The following CDH13 variants were observed in gnomAD, a reference collection of about 807,000 sequenced individuals.
CDH13 encodes cadherin-13.
Under a neutral mutation model 63.8 loss-of-function variants are expected in CDH13, and 24 were observed. That is an observed-to-expected ratio of 0.38 (90% CI 0.27 to 0.53). The LOEUF (loss-of-function observed/expected upper bound fraction) is 0.53, where lower values mean the gene tolerates loss of function less well. Ranked by LOEUF, CDH13 falls within the 20% of genes least tolerant of loss-of-function variation. The pLI is 0.85. For missense variants in CDH13, 1,049 were observed against 903.1 expected (o/e 1.16, Z -2.07); for synonymous variants, 503 against 355.3 (o/e 1.42, Z -4.67).
chr16:83,082,488 C>G (rs192283215), intron 3 of CDH13, among the ~76,000 whole-genome samples: 1 of 151,952 alleles, frequency 6.6e-6, no homozygotes, highest in Non-Finnish European at 1.5e-5. Flanking sequence ...AAAAAAATAG[C>G]CAGGTGTGGT....
intron 1 of CDH13, among the ~76,000 whole-genome samples, chr16:82,763,766 T>G (rs2034944058): frequency 6.6e-6 from 1 of 152,188 alleles, no homozygotes; most frequent in African/African-American, 2.4e-5. Flanking sequence ...CACTGCAGCC[T>G]CCTCTGCCCA....
intron 5 of CDH13, among the ~76,000 whole-genome samples, chr16:83,270,199 G>A (rs1370854502): frequency 6.6e-6 from 1 of 152,172 alleles, no homozygotes; most frequent in African/African-American, 2.4e-5. Flanking sequence ...AAAGGGGGCA[G>A]CTTGTAATTA....
At chr16:83,235,419 C>A (rs1024917166) in intron 5 of CDH13, among the ~76,000 whole-genome samples, 5 of 152,186 alleles carry the variant, frequency 3.3e-5, no homozygotes, top group African/African-American at 1.2e-4. Context: ...CTTCATCTAA[C>A]CGAATCATGT....
At chr16:83,503,742 G>GT (rs1169000423) in intron 7 of CDH13, among the ~76,000 whole-genome samples, 6 of 151,830 alleles carry the variant, frequency 4.0e-5, no homozygotes, top group Non-Finnish European at 5.9e-5. Context: ...GGGGTTGTTT[G>GT]TTTTTTTTCT....
At chr16:83,055,919 C>G (rs888927440) in intron 3 of CDH13, among the ~76,000 whole-genome samples, 1 of 152,146 alleles carries the variant, frequency 6.6e-6, no homozygotes, top group Non-Finnish European at 1.5e-5. Context: ...AAAAGGCAGG[C>G]TATACAGTGG....
intron 4 of CDH13, among the ~76,000 whole-genome samples, chr16:83,171,981 T>C (rs2037939311): frequency 6.6e-6 from 1 of 152,128 alleles, no homozygotes; most frequent in African/African-American, 2.4e-5. Context: ...TTCTCAGGGG[T>C]AGCTGCTATG....
intron 2 of CDH13, among the ~76,000 whole-genome samples, chr16:82,971,320 A>C (rs1485197212): frequency 2.0e-5 from 3 of 152,016 alleles, no homozygotes; most frequent in Admixed American, 1.3e-4. Context: ...TGTCACTCTC[A>C]TTCCTGTTCT....
intron 2 of CDH13, among the ~76,000 whole-genome samples, chr16:83,008,728 A>G (rs1458568796): frequency 2.0e-5 from 3 of 152,200 alleles, no homozygotes; most frequent in Non-Finnish European, 1.5e-5. Flanking sequence ...GGCCTGTGCC[A>G]GAACGAGGCC....
At chr16:83,602,798 G>C (rs988980938) in intron 8 of CDH13, among the ~76,000 whole-genome samples, 2 of 152,182 alleles carry the variant, frequency 1.3e-5, no homozygotes, top group Non-Finnish European at 2.9e-5. Flanking sequence ...CTAGAGCACG[G>C]TGAGAACAAG....
At chr16:83,657,515 C>A (rs1183174084) in intron 8 of CDH13, among the ~76,000 whole-genome samples, 1 of 152,184 alleles carries the variant, frequency 6.6e-6, no homozygotes, top group Non-Finnish European at 1.5e-5. Context: ...TGACAGCCAA[C>A]CAGTAGCTCC....
At chr16:82,669,327 A>T (rs1912968352) in intron 1 of CDH13, among the ~76,000 whole-genome samples, 1 of 152,198 alleles carries the variant, frequency 6.6e-6, no homozygotes, top group African/African-American at 2.4e-5. Flanking sequence ...AACGCCCAGG[A>T]GATTATATTA....
At position 82,967,430 on chromosome 16, in the gene CDH13, G is replaced by A. The variant is rs151288145; in HGVS notation, c.158-64580G>A. On this transcript the variant is annotated intron_variant, in intron 2 of 13. Transcript: ENST00000567109. Reference sequence around the variant, plus strand: ...TGGGGACTGAGCTCATACCTGGTTCGTATTTGCGCCCGCTGAATCCTCAAC... The same window carrying A: ...TGGGGACTGAGCTCATACCTGGTTCATATTTGCGCCCGCTGAATCCTCAAC... 1.3e-3 allele frequency among the ~76,000 whole-genome samples: 191 copies of A among 152,230 alleles called. 1 individual carries two copies. The highest frequency in any genetic ancestry group is 4.4e-3 in the African/African-American group (183 of 41,534).
intron 3 of CDH13, among the ~76,000 whole-genome samples, chr16:83,109,359 G>A (rs2034951024): frequency 6.6e-6 from 1 of 151,970 alleles, no homozygotes; most frequent in South Asian, 2.1e-4. Context: ...GCTGAGAAAA[G>A]GGATGCAGGA....
intron 5 of CDH13, among the ~76,000 whole-genome samples, chr16:83,220,059 G>A (rs747359123): frequency 2.6e-5 from 4 of 152,162 alleles, no homozygotes; most frequent in Non-Finnish European, 4.4e-5. Context: ...CTTACGACTG[G>A]CAGACTGGGG....
intron 3 of CDH13, among the ~76,000 whole-genome samples, chr16:83,068,143 T>A (rs2032160049): frequency 6.6e-6 from 1 of 152,214 alleles, no homozygotes; most frequent in East Asian, 1.9e-4. Flanking sequence ...TCGGATCTGC[T>A]GGGTTGAATT....
intron 5 of CDH13, among the ~76,000 whole-genome samples, chr16:83,342,660 G>C (rs1485553728): frequency 6.6e-6 from 1 of 152,028 alleles, no homozygotes; most frequent in African/African-American, 2.4e-5. Context: ...TTTCCATTGT[G>C]TTAAGATGGA....
In CDH13 at chr16:83,418,368, C is replaced by T. The variant is rs145887562; in HGVS notation, c.782-68109C>T. Among the ~76,000 whole-genome samples the T allele has an allele frequency of 2.6e-3, 396 of 152,098 alleles. 2 individuals are homozygous for T. The highest frequency in any genetic ancestry group is 0.011 in the South Asian group (52 of 4,810). ...ACAAGCATCCTAGAAAATTATAATA[C>T]CCATAGGAAGCATGAGATTTTTTTT... On this transcript the variant is annotated intron_variant, in intron 6 of 13. Coordinates refer to ENST00000567109, the MANE Select transcript of CDH13 (RefSeq NM_001257.5).
chr16:83,382,085 C>T (rs1209509465), intron 6 of CDH13, among the ~76,000 whole-genome samples: 1 of 152,152 alleles, frequency 6.6e-6, no homozygotes, highest in African/African-American at 2.4e-5. Flanking sequence ...CTACCAGCTA[C>T]TTATTGTGTG....
chr16:83,633,959 A>C (rs1398761305), intron 8 of CDH13, among the ~76,000 whole-genome samples: 1 of 152,186 alleles, frequency 6.6e-6, no homozygotes, highest in Non-Finnish European at 1.5e-5. Flanking sequence ...CAGAAGTTGC[A>C]AAAATAGTGC....
Sources: gnomAD v4.1 joint callset for allele counts (sites outside exome capture counted in the v4.1 genomes callset) on GRCh38, gnomAD v4.1.1 for gene constraint, MANE v1.5 for transcripts, NCBI Gene and HGNC (gene_info 2026-07-23, HGNC 2026-07-21) for gene names.